The following NPSR1 variants were observed in gnomAD, a reference collection of about 807,000 sequenced individuals.
NPSR1 encodes neuropeptide S receptor.
A neutral mutation model predicts 46.9 loss-of-function variants in NPSR1; 48 were observed. That is an observed-to-expected ratio of 1.02 (90% CI 0.81 to 1.30). The LOEUF is 1.30. NPSR1 is among the 50% of genes most tolerant of loss of function. The pLI is 0.00. For missense variants in NPSR1, 450 were observed against 449.5 expected, an observed-to-expected ratio of 1.00 and a Z score of -0.01; for synonymous variants, 176 against 168.1, an observed-to-expected ratio of 1.05 and a Z score of -0.36.
At position 34,841,087 on chromosome 7, in the gene NPSR1, T is replaced by C. The variant is rs115987343; in HGVS notation, c.758-3809T>C. Among the ~76,000 whole-genome samples, 275 of 152,342 alleles carry C rather than the reference T, an allele frequency of 1.8e-3. 1 individual carries two copies. Among genetic ancestry groups the C allele is most frequent in the African/African-American group, 6.4e-3 (267 of 41,572 alleles). The stretch of plus-strand genomic sequence containing the variant: ...AACTGCTAAAAATAATGTTGAAGTT[T>C]TTAAAAATCAACCTAACATACACAA... On this transcript the variant is annotated intron_variant, in intron 6 of 8. Transcript: ENST00000360581.
At chr7:34,868,338 C>T (rs1182800066) in intron 8 of NPSR1, among the ~76,000 whole-genome samples, 5 of 151,656 alleles carry the variant, frequency 3.3e-5, no homozygotes, top group Non-Finnish European at 5.9e-5. Context: ...CCCGCCTGGC[C>T]TATTAGTCTC....
chr7:34,766,012 G>A (rs1010294952), intron 2 of NPSR1, among the ~76,000 whole-genome samples: 2 of 151,950 alleles, frequency 1.3e-5, no homozygotes, highest in African/African-American at 4.8e-5. Flanking sequence ...TAATAAGCCT[G>A]CACATGTACC....
At chr7:34,666,586 T>C (rs1791762738) in intron 1 of NPSR1, among the ~76,000 whole-genome samples, 1 of 152,186 alleles carries the variant, frequency 6.6e-6, no homozygotes, top group African/African-American at 2.4e-5. Flanking sequence ...CAAATTGAGT[T>C]CAGCAGCAAC....
chr7:34,793,678 A>G (rs1306223160), intron 3 of NPSR1, among the ~76,000 whole-genome samples: 1 of 152,146 alleles, frequency 6.6e-6, no homozygotes, highest in Non-Finnish European at 1.5e-5. Context: ...TTGAAAAATT[A>G]AAAATTGAAC....
chr7:34,872,449 G>A (rs1304099215), intron 8 of NPSR1, among the ~76,000 whole-genome samples: 1 of 151,930 alleles, frequency 6.6e-6, no homozygotes, highest in Non-Finnish European at 1.5e-5. Context: ...AGGCTAATTT[G>A]CCTAGCAAGT....
intron 2 of NPSR1, among the ~76,000 whole-genome samples, chr7:34,738,191 C>T (rs1784771999): frequency 6.6e-6 from 1 of 152,150 alleles, no homozygotes; most frequent in Admixed American, 6.5e-5. Flanking sequence ...CTTTTGTGTA[C>T]TATAGTATCT....
Position 34,726,040 on chromosome 7 carries a change from G to A in NPSR1, c.280+41356G>A, listed in dbSNP as rs1270764698. Among the ~76,000 whole-genome samples, 4 of 152,196 alleles carry A rather than the reference G, an allele frequency of 2.6e-5. No individual in the cohort carries two copies. The East Asian group carries it at 7.7e-4, about 29-fold the overall frequency. On this transcript the variant is annotated intron_variant, in intron 2 of 8. Transcript: ENST00000360581. ...AGACCTCTAAATCATATGTGGAGCTGTGAGTCAGTTAAACCTCTTTCCTTT... is the reference window on the plus strand; with the variant it reads ...AGACCTCTAAATCATATGTGGAGCTATGAGTCAGTTAAACCTCTTTCCTTT...
chr7:34,725,099 TCACACACACA>T (rs56880784), intron 2 of NPSR1, among the ~76,000 whole-genome samples: 3 of 146,534 alleles, frequency 2.0e-5, no homozygotes, highest in African/African-American at 7.5e-5. Flanking sequence ...ACACACAGAC[TCACACACACA>T]CACACACACA....
chr7:34,771,533 G>A (rs1182565804), intron 2 of NPSR1, among the ~76,000 whole-genome samples: 1 of 152,124 alleles, frequency 6.6e-6, no homozygotes, highest in Non-Finnish European at 1.5e-5. Flanking sequence ...AGCCCTATAA[G>A]TAGAAGGGGC....
chr7:34,703,095 C>T (rs1371856149), intron 2 of NPSR1, among the ~76,000 whole-genome samples: 1 of 152,170 alleles, frequency 6.6e-6, no homozygotes, highest in African/African-American at 2.4e-5. Context: ...CGCGGTGGCT[C>T]ATGCCTGTAA....
In NPSR1 at chr7:34,671,141, TATA is replaced by T. The variant is rs201772521; in HGVS notation, c.147+12587_147+12589del. On this transcript the variant is annotated intron_variant, in intron 1 of 8. Coordinates refer to ENST00000360581, the MANE Select transcript of NPSR1 (RefSeq NM_207172.2). ...GGAATATTAAGGAATATTATGCAAC[TATA>T]ATAACCATTTCTCTTTGTGCAATGT... 7.2e-3 allele frequency among the ~76,000 whole-genome samples: 1,104 copies of T among 152,286 alleles called. 3 individuals are homozygous for T. Among genetic ancestry groups the T allele is most frequent in the Non-Finnish European group, 0.011 (755 of 67,994 alleles).
intron 2 of NPSR1, among the ~76,000 whole-genome samples, chr7:34,691,052 G>A (rs1793224937): frequency 1.3e-5 from 2 of 152,166 alleles, no homozygotes. Context: ...CTACATGCCA[G>A]AAGAGATCAG....
intron 2 of NPSR1, among the ~76,000 whole-genome samples, chr7:34,766,289 C>T (rs1379114848): frequency 1.1e-4 from 16 of 152,058 alleles, no homozygotes; most frequent in Non-Finnish European, 1.8e-4. Context: ...AACTGCTGGG[C>T]AGTTTTTTAT....
intron 3 of NPSR1, among the ~76,000 whole-genome samples, chr7:34,806,265 A>G (rs1240623709): frequency 1.3e-5 from 2 of 152,096 alleles, no homozygotes; most frequent in African/African-American, 4.8e-5. Context: ...CTGGAAGCAA[A>G]CAAGAGGTTC....
intron 2 of NPSR1, among the ~76,000 whole-genome samples, chr7:34,700,060 G>T (rs4141216): frequency 0.17 from 25,873 of 152,082 alleles, 2,394 homozygotes; most frequent in East Asian, 0.32. Flanking sequence ...GCCAGGTTTT[G>T]CTGGTAACTT....
In NPSR1 at chr7:34,827,389, T is replaced by C. The variant is rs1239852628; in HGVS notation, c.479-12T>C. On this transcript the variant is annotated splice_polypyrimidine_tract_variant and intron_variant, in intron 4 of 8. Coordinates refer to ENST00000360581, the MANE Select transcript of NPSR1 (RefSeq NM_207172.2). ...CCACATACCCAGACATTCCTCTCTT[T>C]TCTTTGGGCAGAAAAGCAAGCCAGG... 1 of 1,613,340 alleles carries C rather than the reference T, an allele frequency of 6.2e-7. No individual in the cohort carries two copies. Among genetic ancestry groups the C allele is most frequent in the Non-Finnish European group, 8.5e-7 (1 of 1,179,476 alleles).
chr7:34,747,997 C>G (rs1785299356), intron 2 of NPSR1, among the ~76,000 whole-genome samples: 1 of 152,136 alleles, frequency 6.6e-6, no homozygotes, highest in South Asian at 2.1e-4. Context: ...GTTTACTGTG[C>G]AGCAAGGCTT....
At chr7:34,702,243 G>C (rs1793866157) in intron 2 of NPSR1, among the ~76,000 whole-genome samples, 1 of 152,164 alleles carries the variant, frequency 6.6e-6, no homozygotes, top group Non-Finnish European at 1.5e-5. Context: ...GCTCATATCA[G>C]CTCTTTGTCC....
intron 2 of NPSR1, among the ~76,000 whole-genome samples, chr7:34,702,940 G>T (rs1793908546): frequency 6.6e-6 from 1 of 152,186 alleles, no homozygotes; most frequent in African/African-American, 2.4e-5. Flanking sequence ...ATTCAAAAAG[G>T]TCCCTGTAAA....
Sources: allele counts gnomAD v4.1 joint callset (sites outside exome capture counted in the v4.1 genomes callset), GRCh38; gene constraint gnomAD v4.1.1; transcripts MANE v1.5; gene names NCBI Gene and HGNC (gene_info 2026-07-23, HGNC 2026-07-21).